GRIK2: variants seen among roughly 807,000 people sequenced by gnomAD.
The protein encoded by GRIK2 is glutamate ionotropic receptor kainate type subunit 2.
A neutral mutation model predicts 100.3 loss-of-function variants in GRIK2; 32 were observed. That is an observed-to-expected ratio of 0.32 (90% CI 0.24 to 0.43). The LOEUF (loss-of-function observed/expected upper bound fraction) is 0.43. Among genes scored for constraint, GRIK2 ranks in the 20% least tolerant of loss-of-function variants. The pLI, the probability that GRIK2 is intolerant of heterozygous loss-of-function variation, is 1.00. For missense variants in GRIK2, 843 were observed against 1,114.9 expected, an observed-to-expected ratio of 0.76 and a Z score of 3.47; for synonymous variants, 417 against 389.4, an observed-to-expected ratio of 1.07 and a Z score of -0.83.
intron 14 of GRIK2, among the ~76,000 whole-genome samples, chr6:102,025,079 A>AACTT (rs1325867675): frequency 6.6e-6 from 1 of 151,258 alleles, no homozygotes; most frequent in Non-Finnish European, 1.5e-5. Context: ...TAGAGAGATA[A>AACTT]ACTTACTCAC....
chr6:101,413,464 C>A (rs1433536278), intron 2 of GRIK2, among the ~76,000 whole-genome samples: 1 of 152,000 alleles, frequency 6.6e-6, no homozygotes, highest in Non-Finnish European at 1.5e-5. Context: ...GCATTGGTGT[C>A]TTGTCTGGTT....
chr6:101,508,221 A>G (rs2128276894), intron 2 of GRIK2, among the ~76,000 whole-genome samples: 1 of 152,298 alleles, frequency 6.6e-6, no homozygotes, highest in South Asian at 2.1e-4. Context: ...AAAAATAAAT[A>G]TAACAAATGT....
intron 2 of GRIK2, among the ~76,000 whole-genome samples, chr6:101,582,762 G>T (rs1243799006): frequency 6.6e-6 from 1 of 152,184 alleles, no homozygotes; most frequent in Non-Finnish European, 1.5e-5. Flanking sequence ...AAGGATTTCA[G>T]TTATGTATAA....
intron 14 of GRIK2, among the ~76,000 whole-genome samples, chr6:102,028,916 C>A (rs572603546): frequency 6.6e-6 from 1 of 151,248 alleles, no homozygotes; most frequent in South Asian, 2.1e-4. Context: ...TGGCTACCCT[C>A]AAGGTGAGCT....
intron 3 of GRIK2, among the ~76,000 whole-genome samples, chr6:101,623,971 GATTA>G (rs1780307362): frequency 6.6e-6 from 1 of 151,930 alleles, no homozygotes; most frequent in East Asian, 1.9e-4. Context: ...TATTGTTAAT[GATTA>G]ATTATAAAAT....
intron 2 of GRIK2, among the ~76,000 whole-genome samples, chr6:101,603,803 G>A (rs1269984429): frequency 6.6e-6 from 1 of 151,690 alleles, no homozygotes; most frequent in African/African-American, 2.4e-5. Flanking sequence ...TTAAAGAAGA[G>A]GCTATGAGCT....
chr6:101,598,873 A>C (rs1047326790), intron 2 of GRIK2, among the ~76,000 whole-genome samples: 1 of 151,592 alleles, frequency 6.6e-6, no homozygotes, highest in Admixed American at 6.6e-5. Context: ...TTTAGGGCTC[A>C]ATTCACTATT....
intron 14 of GRIK2, among the ~76,000 whole-genome samples, chr6:102,010,856 G>T (rs1295418676): frequency 6.6e-6 from 1 of 151,822 alleles, no homozygotes; most frequent in East Asian, 1.9e-4. Context: ...TCTTTCTTGG[G>T]TAGAGAGTTC....
At chr6:102,007,916 G>A (rs1375007719) in intron 14 of GRIK2, among the ~76,000 whole-genome samples, 1 of 151,966 alleles carries the variant, frequency 6.6e-6, no homozygotes, top group Non-Finnish European at 1.5e-5. Context: ...ATAAGTAAGG[G>A]AAAGGGGTTC....
At chr6:101,503,257 A>G (rs1418288784) in intron 2 of GRIK2, among the ~76,000 whole-genome samples, 1 of 152,158 alleles carries the variant, frequency 6.6e-6, no homozygotes, top group Non-Finnish European at 1.5e-5. Flanking sequence ...TAACAGTTAC[A>G]ATGGAGTTGT....
At chr6:101,559,368 TAAC>T (rs1390943199) in intron 2 of GRIK2, among the ~76,000 whole-genome samples, 1 of 152,110 alleles carries the variant, frequency 6.6e-6, no homozygotes, top group Non-Finnish European at 1.5e-5. Flanking sequence ...TATAATCTTG[TAAC>T]AACCTATGTT....
chr6:101,449,762 C>T (rs1296533180), intron 2 of GRIK2, among the ~76,000 whole-genome samples: 1 of 151,662 alleles, frequency 6.6e-6, no homozygotes, highest in African/African-American at 2.4e-5. Flanking sequence ...TGGTAGAATA[C>T]TTTCAATTTG....
At chr6:101,650,009 G>A (rs1401167405) in intron 4 of GRIK2, among the ~76,000 whole-genome samples, 1 of 152,048 alleles carries the variant, frequency 6.6e-6, no homozygotes, top group East Asian at 1.9e-4. Context: ...CTCATTAAGT[G>A]CTCCTAGACA....
chr6:101,547,074 G>A (rs1400654642), intron 2 of GRIK2, among the ~76,000 whole-genome samples: 15 of 151,366 alleles, frequency 9.9e-5, no homozygotes, highest in East Asian at 1.9e-4. Flanking sequence ...CTCGTGATCC[G>A]CCCGCCTCGG....
intron 14 of GRIK2, among the ~76,000 whole-genome samples, chr6:101,965,984 T>TTAGA (rs1166640807): frequency 6.6e-6 from 1 of 152,132 alleles, no homozygotes; most frequent in Admixed American, 6.6e-5. Context: ...GTAATCCACA[T>TTAGA]TAGATAGCAT....
chr6:101,402,298 G>T (rs1031358657), intron 2 of GRIK2, among the ~76,000 whole-genome samples: 16 of 152,220 alleles, frequency 1.1e-4, no homozygotes, highest in African/African-American at 3.6e-4. Flanking sequence ...GCGCTCGCGC[G>T]CACTAAGACA....
At chr6:101,511,544 T>C (rs1774318545) in intron 2 of GRIK2, among the ~76,000 whole-genome samples, 2 of 151,848 alleles carry the variant, frequency 1.3e-5, no homozygotes, top group Non-Finnish European at 2.9e-5. Flanking sequence ...CCCAAATGTA[T>C]AAAATATATG....
intron 2 of GRIK2, among the ~76,000 whole-genome samples, chr6:101,565,657 G>A (rs1396409339): frequency 6.6e-6 from 1 of 151,606 alleles, no homozygotes; most frequent in African/African-American, 2.4e-5. Context: ...CTTTATTTTA[G>A]GGATTAGATT....
intron 10 of GRIK2, among the ~76,000 whole-genome samples, chr6:101,835,357 T>C (rs2791813): frequency 0.29 from 43,717 of 151,836 alleles, 9,163 homozygotes; most frequent in East Asian, 0.68. Flanking sequence ...TGATTTAAAT[T>C]TATTTGACAG....
Sources: gnomAD v4.1 joint callset for allele counts (sites outside exome capture counted in the v4.1 genomes callset) on GRCh38, gnomAD v4.1.1 for gene constraint, MANE v1.5 for transcripts, NCBI Gene and HGNC (gene_info 2026-07-23, HGNC 2026-07-21) for gene names.